Variants in SIN3B observed in about 807,000 individuals in gnomAD.
SIN3B encodes the protein paired amphipathic helix protein Sin3b.
Under a neutral mutation model 120.2 loss-of-function variants are expected in SIN3B, and 19 were observed. The ratio of observed to expected loss-of-function variants is 0.16; its 90% CI spans 0.11 to 0.23. SIN3B has a LOEUF of 0.23. SIN3B is among the 10% of genes least tolerant of loss of function. The pLI, the probability that SIN3B is intolerant of heterozygous loss-of-function variation, is 1.00. For missense variants in SIN3B, 1,073 were observed against 1,573.0 expected, an observed-to-expected ratio of 0.68 and a Z score of 5.38; for synonymous variants, 654 against 653.2, an observed-to-expected ratio of 1.00 and a Z score of -0.02.
chr19:16,854,311 A>T (rs1011550396), intron 8 of SIN3B, 50 bp downstream of exon 8: 6 of 1,145,150 alleles, frequency 5.2e-6, no homozygotes, highest in Non-Finnish European at 7.6e-6. Context: ...GTTCCTGTCA[A>T]CTCCATCTAC....
chr19:16,865,663 C>T lies in SIN3B; in HGVS notation c.1622+15C>T. 2 of 1,544,138 alleles carry T rather than the reference C, an allele frequency of 1.3e-6. No individual in the cohort carries two copies. The highest frequency in any genetic ancestry group is 2.3e-5 in the South Asian group (2 of 86,726). On this transcript the variant is annotated intron_variant, in intron 11 of 18. Transcript: ENST00000248054. ...GTCCTGAAAAGGTGCCCTGTGGCGT[C>T]CCGACTTCCCTTCCCCTTCCCCTTC...
intron 14 of SIN3B, among the ~76,000 whole-genome samples, chr19:16,873,256 C>T (rs1489824385): frequency 1.3e-5 from 2 of 152,170 alleles, no homozygotes; most frequent in South Asian, 2.1e-4. Context: ...TTGCGTCTGC[C>T]TTGTTGGTGA....
chr19:16,831,294 C>G (rs886246135), intron 2 of SIN3B, among the ~76,000 whole-genome samples, 200 bp from the exon 3 acceptor site: 1 of 152,240 alleles, frequency 6.6e-6, no homozygotes, highest in African/African-American at 2.4e-5. Flanking sequence ...AACTCTTGAC[C>G]TCAGGTGATC....
intron 8 of SIN3B, among the ~76,000 whole-genome samples, chr19:16,861,605 A>G (rs1971688494): frequency 6.6e-6 from 1 of 152,120 alleles, no homozygotes; most frequent in Non-Finnish European, 1.5e-5. Flanking sequence ...TCTACTAAAC[A>G]TACAAAAATT....
intron 5 of SIN3B, among the ~76,000 whole-genome samples, chr19:16,847,832 A>G (rs1971498596): frequency 6.6e-6 from 1 of 152,192 alleles, no homozygotes; most frequent in South Asian, 2.1e-4. Context: ...GTGTTGTACA[A>G]CCTTCACCAC....
At chr19:16,848,675 AT>A (rs35720472) in intron 5 of SIN3B, among the ~76,000 whole-genome samples, 18 of 151,760 alleles carry the variant, frequency 1.2e-4, no homozygotes, top group African/African-American at 4.4e-4. Flanking sequence ...CAATTTTTGT[AT>A]TTTTTGTAGA....
At chr19:16,877,862 G>A (rs903012624) in intron 17 of SIN3B, among the ~76,000 whole-genome samples, 4 of 152,182 alleles carry the variant, frequency 2.6e-5, no homozygotes, top group Non-Finnish European at 4.4e-5. Flanking sequence ...CCAACCCCAC[G>A]ATGCGTCAGT....
At chr19:16,845,303 GTCTCTTT>G (rs915468081) in intron 4 of SIN3B, among the ~76,000 whole-genome samples, 1 of 152,130 alleles carries the variant, frequency 6.6e-6, no homozygotes, top group Non-Finnish European at 1.5e-5. Flanking sequence ...TTGAGACGGA[GTCTCTTT>G]CACCCAGGCT....
Position 16,863,758 on chromosome 19 carries a change from G to A in SIN3B, c.1345G>A (p.Glu449Lys), listed in dbSNP as rs751788314. Residue 449 changes from glutamate (E) to lysine (K), a missense_variant, in exon 10 of 19, where the codon GAG becomes AAG. Transcript: ENST00000248054. ...TFVSSKKTPYEEQLHRCEDER... is the reference protein window; with the variant it reads ...TFVSSKKTPYKEQLHRCEDER... ...CGTCAGCTCCAAGAAGACACCGTACGAGGAGCAGCTTCACCGCTGTGAGGA... is the reference window on the plus strand; with the variant it reads ...CGTCAGCTCCAAGAAGACACCGTACAAGGAGCAGCTTCACCGCTGTGAGGA... 1 of 1,614,172 alleles carries A rather than the reference G, an allele frequency of 6.2e-7. No individual in the cohort carries two copies. The highest frequency in any genetic ancestry group is 8.5e-7 in the Non-Finnish European group (1 of 1,180,028).
At chr19:16,833,784 C>T (rs570963356) in intron 3 of SIN3B, among the ~76,000 whole-genome samples, 41 of 151,160 alleles carry the variant, frequency 2.7e-4, no homozygotes, top group Admixed American at 2.6e-3. Flanking sequence ...AGTTCAGTGG[C>T]GCAATCTCGG....
intron 13 of SIN3B, 66 bp downstream of exon 13, chr19:16,870,141 T>C: frequency 7.2e-7 from 1 of 1,388,186 alleles, no homozygotes; most frequent in Non-Finnish European, 9.6e-7. Context: ...CAGCTCATGA[T>C]CTGACATGTC....
rs202214267 is a variant in SIN3B at position 16,876,567 on chromosome 19, G to T, written c.2848G>T (p.Val950Leu). The T allele has an allele frequency of 6.2e-7, 1 of 1,613,084 alleles. No individual in the cohort carries two copies. The highest frequency in any genetic ancestry group is 8.5e-7 in the Non-Finnish European group (1 of 1,179,650). ...CGAGGAGGCCCAGACGGAGGACCCTGTGGAGGTCCAGGTGAGGCCCTGGCC... is the reference window on the plus strand; with the variant it reads ...CGAGGAGGCCCAGACGGAGGACCCTTTGGAGGTCCAGGTGAGGCCCTGGCC... Reference protein sequence around the residue: ...DTEEAQTEDPVEVQHLARYVE... With the variant: ...DTEEAQTEDPLEVQHLARYVE... The change falls in exon 16 of 19, where the codon GTG becomes TTG. Residue 950 changes from valine to leucine, a missense_variant. By Grantham distance (32) the Val-to-Leu change is conservative. This residue lies in a region of SIN3B where 311 missense variants were observed against 400.3 expected (regional missense o/e 0.78). Coordinates refer to ENST00000248054, the MANE Select transcript of SIN3B (RefSeq NM_001297595.2). The surrounding 1 kb of genome is among the most constrained non-coding windows in gnomAD (Gnocchi z 7.1).
rs769241134 is a variant in SIN3B at position 16,878,378 on chromosome 19, C to T, written c.3150C>T (p.Cys1050=). Residue 1050 remains cysteine (C), a synonymous_variant, in exon 18 of 19, where the codon TGC becomes TGT. Coordinates refer to ENST00000248054, the MANE Select transcript of SIN3B (RefSeq NM_001297595.2). ...EDYMYRRGTL[C]RAKQVQPLVL... is the part of the protein sequence containing the mutation. ...ACATGTACCGTCGCGGGACCCTCTG[C>T]CGGGCCAAGCAGGTGCCAGGGGAGG... The T allele has an allele frequency of 6.2e-7, 1 of 1,611,274 alleles. No homozygotes were observed. The highest frequency in any genetic ancestry group is 1.1e-5 in the South Asian group (1 of 90,712).
intron 3 of SIN3B, among the ~76,000 whole-genome samples, 186 bp downstream of exon 3, chr19:16,831,833 C>G (rs1470483629): frequency 6.6e-6 from 1 of 152,228 alleles, no homozygotes; most frequent in Admixed American, 6.5e-5. Context: ...CAAGCAGCCT[C>G]TGCCTCCCAA....
At chr19:16,857,514 A>T (rs968430269) in intron 8 of SIN3B, among the ~76,000 whole-genome samples, 7 of 68,506 alleles carry the variant, frequency 1.0e-4, no homozygotes, top group South Asian at 9.9e-4. Flanking sequence ...ACTTAAAAAA[A>T]ATATGTGTGT....
chr19:16,877,530 T>C lies in SIN3B; in HGVS notation c.2860-15T>C. ...CTGTAGGGGCATCACGGGCTGTGTCTCTCCCTGTCCCCAGCACCTGGCTCG... is the reference window on the plus strand; with the variant it reads ...CTGTAGGGGCATCACGGGCTGTGTCCCTCCCTGTCCCCAGCACCTGGCTCG... On this transcript the variant is annotated splice_polypyrimidine_tract_variant and intron_variant, in intron 16 of 18. Transcript: ENST00000248054. The C allele has an allele frequency of 6.3e-7, 1 of 1,588,790 alleles. No homozygotes were observed. The highest frequency in any genetic ancestry group is 8.6e-7 in the Non-Finnish European group (1 of 1,165,518).
At chr19:16,878,416 C>T (rs1026325843) in intron 18 of SIN3B, 26 bp downstream of exon 18, 24 of 1,600,242 alleles carry the variant, frequency 1.5e-5, no homozygotes, top group Non-Finnish European at 1.7e-5. Context: ...TGGGCTGCCC[C>T]GACATGCCCC....
rs755779360 is a variant in SIN3B, at chr19:16,878,582, C to T, written c.3248C>T (p.Ala1083Val). The T allele has an allele frequency of 3.7e-5, 60 of 1,610,042 alleles. No individual in the cohort carries two copies. The highest frequency in any genetic ancestry group is 1.6e-4 in the Middle Eastern group (1 of 6,072). Residue 1083 changes from alanine to valine, a missense_variant, in exon 19 of 19, where the codon GCG becomes GTG. Ala to Val is a moderately conservative substitution (Grantham distance 64). Around this residue, in one of 7 missense-constraint regions of SIN3B, gnomAD observed 311 missense variants for 400.3 expected, o/e 0.78. Transcript: ENST00000248054. ...RWLEDNVTVE[A>V]ASLVQDWLMG... ...CTGGAGGACAATGTGACGGTGGAGGCGGCTAGCCTGGTGCAGGACTGGCTG... is the reference window on the plus strand; with the variant it reads ...CTGGAGGACAATGTGACGGTGGAGGTGGCTAGCCTGGTGCAGGACTGGCTG...
intron 3 of SIN3B, among the ~76,000 whole-genome samples, chr19:16,835,062 G>A (rs547107783): frequency 6.6e-6 from 1 of 151,734 alleles, no homozygotes; most frequent in African/African-American, 2.4e-5. Flanking sequence ...GAGTAACTGG[G>A]ATTACAGGCA....
Sources: allele counts gnomAD v4.1 joint callset (sites outside exome capture counted in the v4.1 genomes callset), GRCh38; gene constraint gnomAD v4.1.1; regional missense constraint gnomAD v4.1.1; non-coding constraint Gnocchi (gnomAD v3.1); transcripts MANE v1.5; gene names NCBI Gene and HGNC (gene_info 2026-07-23, HGNC 2026-07-21).